Variants in FGF1 observed in about 807,000 individuals in gnomAD.
FGF1 encodes the protein beta-endothelial cell growth factor.
A neutral mutation model predicts 13.4 loss-of-function variants in FGF1; 9 were observed. The ratio of observed to expected loss-of-function variants is 0.67; its 90% CI spans 0.40 to 1.17. The LOEUF is 1.17. Ranked by LOEUF, FGF1 falls within the 50% of genes most tolerant of loss-of-function variation. FGF1 has a pLI of 0.01. For synonymous variants in FGF1, 93 were observed against 79.0 expected (o/e 1.18, Z -0.94); for missense variants, 156 against 192.7 (o/e 0.81, Z 1.13).
At chr5:142,664,848 CT>C (rs1769996599) in intron 1 of FGF1, among the ~76,000 whole-genome samples, 1 of 152,146 alleles carries the variant, frequency 6.6e-6, no homozygotes, top group South Asian at 2.1e-4. Context: ...GTGACGTCAC[CT>C]CTCTGAACCT....
intron 3 of FGF1, among the ~76,000 whole-genome samples, chr5:142,596,558 C>G (rs538911361): frequency 4.1e-4 from 60 of 145,406 alleles, no homozygotes; most frequent in Admixed American, 8.4e-4. Flanking sequence ...GTCTGGGCAA[C>G]ATAGCAAGAC....
At chr5:142,649,445 C>T (rs930401024) in intron 1 of FGF1, among the ~76,000 whole-genome samples, 8 of 151,188 alleles carry the variant, frequency 5.3e-5, no homozygotes, top group East Asian at 1.9e-4. Context: ...CTCGCTTTGT[C>T]GCCCAGGCTG....
intron 1 of FGF1, among the ~76,000 whole-genome samples, chr5:142,618,169 G>A (rs1235597185): frequency 6.6e-6 from 1 of 152,150 alleles, no homozygotes; most frequent in East Asian, 1.9e-4. Flanking sequence ...TGGGGTACGG[G>A]TGAGATTTTA....
chr5:142,677,610 T>G (rs919999669), intron 1 of FGF1, among the ~76,000 whole-genome samples: 5 of 152,208 alleles, frequency 3.3e-5, no homozygotes, highest in African/African-American at 1.2e-4. Context: ...AGCTTTACTT[T>G]CCAGGCCCCT....
chr5:142,607,409 G>A (rs1335539845), intron 2 of FGF1, among the ~76,000 whole-genome samples: 2 of 152,182 alleles, frequency 1.3e-5, no homozygotes, highest in Non-Finnish European at 2.9e-5. Context: ...AGTATCCCAG[G>A]GATGAAGGGG....
chr5:142,605,215 T>C (rs1757384496), intron 2 of FGF1, among the ~76,000 whole-genome samples: 1 of 151,578 alleles, frequency 6.6e-6, no homozygotes, highest in Non-Finnish European at 1.5e-5. Flanking sequence ...CAAGCGATTC[T>C]CCTGTCTCAG....
At position 142,613,944 on chromosome 5, in the gene FGF1, T is replaced by G; in HGVS notation, c.169+15A>C. On this transcript the variant is annotated intron_variant, in intron 2 of 3. Coordinates refer to ENST00000337706, the MANE Select transcript of FGF1 (RefSeq NM_000800.5). The stretch of plus-strand genomic sequence containing the variant: ...TGTCAGAAAGGGAAGGGGGGTGCCA[T>G]AGAGATGGGCTTACTGTGCTGGTCG... The G allele has an allele frequency of 6.2e-7, 1 of 1,611,326 alleles. No individual in the cohort carries two copies.
At chr5:142,655,418 C>T (rs1056599218) in intron 1 of FGF1, among the ~76,000 whole-genome samples, 5 of 152,172 alleles carry the variant, frequency 3.3e-5, no homozygotes, top group Non-Finnish European at 7.3e-5. Flanking sequence ...TGAGGCTGAC[C>T]TAAGGTTCTG....
At chr5:142,600,498 C>T (rs1756276361) in intron 3 of FGF1, among the ~76,000 whole-genome samples, 1 of 152,162 alleles carries the variant, frequency 6.6e-6, no homozygotes, top group Non-Finnish European at 1.5e-5. Flanking sequence ...TATGATAATA[C>T]ATTTGAGAGT....
chr5:142,626,023 G>GA (rs1362153783), intron 1 of FGF1, among the ~76,000 whole-genome samples: 7 of 152,096 alleles, frequency 4.6e-5, no homozygotes, highest in African/African-American at 1.7e-4. Flanking sequence ...GCCGACTCTG[G>GA]ACCTATCCGT....
chr5:142,636,706 G>T (rs1321748036), intron 1 of FGF1, among the ~76,000 whole-genome samples: 1 of 150,458 alleles, frequency 6.6e-6, no homozygotes, highest in Non-Finnish European at 1.5e-5. Flanking sequence ...CTTAGAGGAA[G>T]GGGTATTTCT....
intron 1 of FGF1, among the ~76,000 whole-genome samples, chr5:142,656,097 A>T (rs779501324): frequency 6.6e-6 from 1 of 152,220 alleles, no homozygotes. Flanking sequence ...AAAATTTCTA[A>T]TGGACTTAAG....
At chr5:142,670,018 C>G (rs1436925497) in intron 1 of FGF1, among the ~76,000 whole-genome samples, 1 of 152,198 alleles carries the variant, frequency 6.6e-6, no homozygotes, top group Non-Finnish European at 1.5e-5. Flanking sequence ...AAGAGGTTAA[C>G]CAGAGTGGAA....
chr5:142,690,009 C>CTAG (rs1751912460), upstream of FGF1, among the ~76,000 whole-genome samples: 3 of 147,688 alleles, frequency 2.0e-5, no homozygotes, highest in Admixed American at 2.0e-4. Flanking sequence ...CCCCTCAATC[C>CTAG]TAGTTTTTTA....
rs2140628 is a variant in FGF1, at chr5:142,622,770, A to G, written c.-34-8609T>C. On this transcript the variant is annotated intron_variant, in intron 1 of 3. Coordinates refer to ENST00000337706, the MANE Select transcript of FGF1 (RefSeq NM_000800.5). ...GGAGGCAGTGTGTTCTTTGCTTTCT[A>G]TTTCTTTTGCTCCATGTTCCATGGT... 6.3e-3 allele frequency among the ~76,000 whole-genome samples: 959 copies of G among 152,268 alleles called. 17 individuals are homozygous for G. Among genetic ancestry groups the G allele is most frequent in the African/African-American group, 0.022 (899 of 41,558 alleles).
intron 2 of FGF1, among the ~76,000 whole-genome samples, chr5:142,695,437 C>A (rs1421064159): frequency 6.6e-6 from 1 of 151,912 alleles, no homozygotes; most frequent in Non-Finnish European, 1.5e-5. Flanking sequence ...CAAAAATTAG[C>A]TGGGTGTGGT....
At chr5:142,682,146 C>T (rs948241441) in intron 1 of FGF1, among the ~76,000 whole-genome samples, 1 of 150,960 alleles carries the variant, frequency 6.6e-6, no homozygotes, top group African/African-American at 2.4e-5. Context: ...AGCGCAATGG[C>T]GCGATCTCGG....
At chr5:142,618,667 A>G (rs1333500632) in intron 1 of FGF1, among the ~76,000 whole-genome samples, 1 of 152,204 alleles carries the variant, frequency 6.6e-6, no homozygotes, top group South Asian at 2.1e-4. Flanking sequence ...CCACAAACAT[A>G]GCAGAGAAGA....
intron 1 of FGF1, among the ~76,000 whole-genome samples, chr5:142,681,259 A>G (rs1167165394): frequency 6.6e-6 from 1 of 152,236 alleles, no homozygotes; most frequent in Non-Finnish European, 1.5e-5. Flanking sequence ...ATTATTGTAA[A>G]TTGTACTGTG....
Sources: allele counts gnomAD v4.1 joint callset (sites outside exome capture counted in the v4.1 genomes callset), GRCh38; gene constraint gnomAD v4.1.1; transcripts MANE v1.5; gene names NCBI Gene and HGNC (gene_info 2026-07-23, HGNC 2026-07-21).